The following PCDHA4 variants were observed in gnomAD, a reference collection of about 807,000 sequenced individuals.
PCDHA4 encodes the protein protocadherin alpha-4.
Under a neutral mutation model 61.4 loss-of-function variants are expected in PCDHA4, and 49 were observed. The ratio of observed to expected loss-of-function variants is 0.80; its 90% CI spans 0.63 to 1.01. PCDHA4 has a LOEUF of 1.01. Ranked by LOEUF, PCDHA4 falls within the 50% of genes least tolerant of loss-of-function variation. The pLI, the probability that PCDHA4 is intolerant of heterozygous loss-of-function variation, is 0.00. For missense variants in PCDHA4, 1,254 were observed against 1,235.8 expected (o/e 1.01, Z -0.22); for synonymous variants, 590 against 550.3 (o/e 1.07, Z -1.01).
chr5:140,985,268 A>G (rs1399255449), intron 3 of PCDHA4, among the ~76,000 whole-genome samples: 6 of 152,098 alleles, frequency 3.9e-5, no homozygotes, highest in African/African-American at 1.2e-4. Context: ...TTTCTGGACT[A>G]CTTTTCTGCA....
rs201435940 is a variant in PCDHA4, at chr5:140,871,358, A to G, written c.2385+61786A>G. On this transcript the variant is annotated intron_variant, in intron 1 of 3. Transcript: ENST00000530339. The stretch of plus-strand genomic sequence containing the variant: ...GTGGGGAGCTGGTCATACTCGCAGC[A>G]GAGGCGGCAGAGGGTGTGCTCTGAG... 13 of 1,614,208 alleles carry G rather than the reference A, an allele frequency of 8.1e-6. No homozygotes were observed. In the East Asian group the frequency reaches 2.9e-4, roughly 36 times the overall value.
intron 1 of PCDHA4, among the ~76,000 whole-genome samples, chr5:140,933,844 G>A (rs2089450133): frequency 6.6e-6 from 1 of 151,910 alleles, no homozygotes; most frequent in South Asian, 2.1e-4. Context: ...TTTCATTCCT[G>A]TACCTTTAAT....
intron 1 of PCDHA4, chr5:140,835,702 G>A: frequency 6.2e-7 from 1 of 1,613,922 alleles, no homozygotes; most frequent in South Asian, 1.1e-5. Flanking sequence ...GCCACTGCTA[G>A]CGTGTCCGTG....
At chr5:140,914,393 C>A (rs1338816793) in intron 1 of PCDHA4, among the ~76,000 whole-genome samples, 1 of 152,080 alleles carries the variant, frequency 6.6e-6, no homozygotes, top group Non-Finnish European at 1.5e-5. Context: ...AGTGTAGTTA[C>A]CCCTGCTCCT....
chr5:140,964,363 G>A (rs1050460842), intron 1 of PCDHA4, among the ~76,000 whole-genome samples: 1 of 152,188 alleles, frequency 6.6e-6, no homozygotes, highest in Non-Finnish European at 1.5e-5. Flanking sequence ...GATGACAAGA[G>A]TGCTGAAAGG....
intron 1 of PCDHA4, among the ~76,000 whole-genome samples, chr5:140,890,695 A>T (rs1196447488): frequency 6.6e-6 from 1 of 152,200 alleles, no homozygotes; most frequent in Non-Finnish European, 1.5e-5. Context: ...AAATGCAGGG[A>T]CCTTACATTT....
intron 1 of PCDHA4, chr5:140,968,944 G>C (rs782732835): frequency 1.2e-6 from 2 of 1,614,152 alleles, no homozygotes; most frequent in Non-Finnish European, 8.5e-7. Context: ...TCATCATTTT[G>C]AGCATCATCA....
intron 1 of PCDHA4, chr5:140,848,897 A>T (rs1554142535): frequency 6.2e-7 from 1 of 1,605,658 alleles, no homozygotes. Context: ...CAGTGTTCCC[A>T]GCGACACAAA....
At chr5:140,839,222 T>C (rs1358006384) in intron 1 of PCDHA4, among the ~76,000 whole-genome samples, 1 of 151,922 alleles carries the variant, frequency 6.6e-6, no homozygotes, top group Non-Finnish European at 1.5e-5. Flanking sequence ...GATGTAACTG[T>C]AATCTGTTTT....
At chr5:140,818,133 G>A (rs1433395378) in intron 1 of PCDHA4, among the ~76,000 whole-genome samples, 10 of 152,200 alleles carry the variant, frequency 6.6e-5, no homozygotes, top group Non-Finnish European at 8.8e-5. Flanking sequence ...AGATTTAGCA[G>A]TATGCCTTCA....
At chr5:140,810,734 C>T (rs1764721277) in intron 1 of PCDHA4, 1 of 151,768 alleles carries the variant, frequency 6.6e-6, no homozygotes, top group African/African-American at 2.4e-5. Context: ...TTTCTTATTA[C>T]TTAAACAAAT....
chr5:140,837,350 T>C (rs1318218282), intron 1 of PCDHA4, among the ~76,000 whole-genome samples: 1 of 152,032 alleles, frequency 6.6e-6, no homozygotes, highest in Non-Finnish European at 1.5e-5. Context: ...TAAAATAGTT[T>C]AAATGGCAGT....
chr5:140,968,818 T>A, intron 1 of PCDHA4: 1 of 1,614,188 alleles, frequency 6.2e-7, no homozygotes, highest in South Asian at 1.1e-5. Context: ...TGGATAGGGT[T>A]TCCAAAATCC....
chr5:140,844,829 G>T (rs1252495421), intron 1 of PCDHA4, among the ~76,000 whole-genome samples: 2 of 148,848 alleles, frequency 1.3e-5, no homozygotes, highest in Non-Finnish European at 3.0e-5. Flanking sequence ...CTTTTTACAC[G>T]TTTGCTTCTT....
chr5:140,995,383 G>A (rs909887279), intron 3 of PCDHA4, among the ~76,000 whole-genome samples: 2 of 152,158 alleles, frequency 1.3e-5, no homozygotes, highest in African/African-American at 4.8e-5. Flanking sequence ...TACTGGGCAG[G>A]ATAAAGCGGG....
chr5:140,836,599 T>G (rs1166723338), intron 1 of PCDHA4: 13 of 1,613,608 alleles, frequency 8.1e-6, no homozygotes, highest in Non-Finnish European at 1.1e-5. Context: ...AAGCCCACTC[T>G]GGTGTGCTCC....
At chr5:140,954,287 TG>T (rs1353316805) in intron 1 of PCDHA4, among the ~76,000 whole-genome samples, 1 of 152,248 alleles carries the variant, frequency 6.6e-6, no homozygotes, top group Non-Finnish European at 1.5e-5. Flanking sequence ...TATATTCCTT[TG>T]GGTACATACC....
At chr5:140,834,321 A>G in intron 1 of PCDHA4, 1 of 1,440,210 alleles carries the variant, frequency 6.9e-7, no homozygotes, top group African/African-American at 1.4e-5. Context: ...TGAAGGGATA[A>G]AAACATTCCT....
chr5:140,857,783 C>T lies in PCDHA4; in HGVS notation c.2385+48211C>T, dbSNP rs782463412. 1.5e-5 allele frequency: 24 copies of T among 1,597,710 alleles called. No individual in the cohort carries two copies. The East Asian group carries it at 4.7e-4, about 31-fold the overall frequency. ...CAGCGCGGGCGGTGCAGTCAGTGAG[C>T]TGGTGCTGCGGTCGGTGGTTGCGGG... is the stretch of plus-strand genomic sequence containing the variant. On this transcript the variant is annotated intron_variant, in intron 1 of 3. Transcript: ENST00000530339.
Sources: gnomAD v4.1 joint callset for allele counts (sites outside exome capture counted in the v4.1 genomes callset) on GRCh38, gnomAD v4.1.1 for gene constraint, MANE v1.5 for transcripts, NCBI Gene and HGNC (gene_info 2026-07-23, HGNC 2026-07-21) for gene names.